Variants in SSH1 observed in about 807,000 individuals in gnomAD.
The protein encoded by SSH1 is slingshot protein phosphatase 1.
SSH1 carries 43 observed loss-of-function variants against 79.7 expected under a neutral mutation model. That is an observed-to-expected ratio of 0.54 (90% CI 0.42 to 0.70). SSH1 has a LOEUF of 0.70. Ranked by LOEUF, SSH1 falls within the 30% of genes least tolerant of loss-of-function variation. The probability of loss-of-function intolerance (pLI) is 0.00; values close to 1 mark genes in which losing one functional copy is unlikely to be tolerated. For missense variants in SSH1, 1,206 were observed against 1,358.8 expected (o/e 0.89, Z 1.77); for synonymous variants, 599 against 538.3 (o/e 1.11, Z -1.56).
rs1005688947 is a variant in SSH1, at chr12:108,817,106, C to T, written c.333G>A (p.Val111=). 7 of 1,614,120 alleles carry T rather than the reference C, an allele frequency of 4.3e-6. No homozygotes were observed. The highest frequency in any genetic ancestry group is 8.5e-7 in the Non-Finnish European group (1 of 1,180,042). The change falls in exon 5 of 15, where the codon GTG becomes GTA. Residue 111 remains valine, a synonymous_variant. Coordinates refer to ENST00000326495, the MANE Select transcript of SSH1 (RefSeq NM_018984.4). ...CGGTGTCCTGGCGCCCGCTGCTGTACACCACCACCATGTACCGGACCCGGT... is the reference window on the plus strand; with the variant it reads ...CGGTGTCCTGGCGCCCGCTGCTGTATACCACCACCATGTACCGGACCCGGT... The part of the protein sequence containing the change: ...WADRVRYMVV[V]YSSGRQDTEE...
At chr12:108,801,043 G>A in intron 11 of SSH1, 117 bp from the exon 12 acceptor site, 3 of 1,045,766 alleles carry the variant, frequency 2.9e-6, no homozygotes, top group Non-Finnish European at 4.3e-6. Context: ...AGGGTCATAT[G>A]TTCGTGGCGG....
chr12:108,796,028 G>A (rs374476320), intron 13 of SSH1, among the ~76,000 whole-genome samples: 13 of 151,896 alleles, frequency 8.6e-5, no homozygotes, highest in African/African-American at 1.9e-4. Context: ...CCATTCTCCC[G>A]CCTCAGCCTT....
At chr12:108,790,125 C>G (rs1295273252) in intron 14 of SSH1, among the ~76,000 whole-genome samples, 1 of 151,788 alleles carries the variant, frequency 6.6e-6, no homozygotes, top group Non-Finnish European at 1.5e-5. Context: ...CATCACCCAC[C>G]TGCTTAAAGG....
At chr12:108,814,961 G>A (rs1318258922) in intron 5 of SSH1, among the ~76,000 whole-genome samples, 7 of 152,234 alleles carry the variant, frequency 4.6e-5, no homozygotes, top group Admixed American at 4.6e-4. Context: ...GTGACTGCTG[G>A]CCTGTGAGCT....
At chr12:108,821,656 A>G (rs991373242) in intron 3 of SSH1, among the ~76,000 whole-genome samples, 3 of 152,214 alleles carry the variant, frequency 2.0e-5, no homozygotes, top group Non-Finnish European at 4.4e-5. Context: ...CTAGGATCAG[A>G]AGACAGGTCT....
At chr12:108,824,474 A>G (rs867358913) in intron 2 of SSH1, among the ~76,000 whole-genome samples, 21 of 151,950 alleles carry the variant, frequency 1.4e-4, no homozygotes, top group African/African-American at 5.1e-4. Context: ...AAAAGAAAGA[A>G]AGAAAGAAAG....
chr12:108,802,510 G>A (rs960542729), intron 10 of SSH1, 142 bp from the exon 11 acceptor site: 16 of 741,658 alleles, frequency 2.2e-5, no homozygotes, highest in African/African-American at 3.4e-5. Flanking sequence ...GAGAACCAGC[G>A]GCTGATATTC....
chr12:108,807,851 C>A lies in SSH1; in HGVS notation c.537-24G>T. Reference sequence around the variant, plus strand: ...ACCTGGGGCGAGGAGAAGACAGGGTCAGGCCTGGGAAGGCACAAGAGATGC... The same window carrying A: ...ACCTGGGGCGAGGAGAAGACAGGGTAAGGCCTGGGAAGGCACAAGAGATGC... On this transcript the variant is annotated intron_variant, in intron 7 of 14. Coordinates refer to ENST00000326495, the MANE Select transcript of SSH1 (RefSeq NM_018984.4). This position sits in a 1 kb window ranked among gnomAD's most constrained non-coding sequence, Gnocchi z 5.2. 1 of 1,612,574 alleles carries A rather than the reference C, an allele frequency of 6.2e-7. No individual in the cohort carries two copies. The highest frequency in any genetic ancestry group is 1.1e-5 in the South Asian group (1 of 90,932).
Position 108,788,102 on chromosome 12 carries a change from A to G in SSH1, c.3036T>C (p.Ser1012=). The change falls in exon 15 of 15, where the codon TCT becomes TCC. Residue 1012 remains serine, a synonymous_variant. Coordinates refer to ENST00000326495, the MANE Select transcript of SSH1 (RefSeq NM_018984.4). The stretch of plus-strand genomic sequence containing the variant: ...TTCCCTGGGGCTCATGCAAGAAGGA[A>G]GATTCACTCAAAGTGGTGTCCTGGG... ...ADSQDTTLSE[S]SFLHEPQGTP... is the part of the protein sequence containing the mutation. 6.2e-7 allele frequency: 1 copy of G among 1,614,020 alleles called. No homozygotes were observed. Among genetic ancestry groups the G allele is most frequent in the South Asian group, 1.1e-5 (1 of 91,058 alleles).
Position 108,785,854 on chromosome 12 carries a change from C to T in SSH1, c.*2134G>A, listed in dbSNP as rs184064723. 154 of 152,154 alleles carry T rather than the reference C, an allele frequency of 1.0e-3. 2 individuals are homozygous for T. Among genetic ancestry groups the T allele is most frequent in the African/African-American group, 3.6e-3 (150 of 41,496 alleles). The allele number at this position is 152,154 out of a possible 1,614,324, so 9.4% of individuals were successfully genotyped here. ...TGAAATTTGATTTGGCAAAACATAC[C>T]GAACTTGATATTTTTTGAGGCTATG... On this transcript the variant is annotated 3_prime_UTR_variant, in exon 15 of 15. Transcript: ENST00000326495.
intron 3 of SSH1, among the ~76,000 whole-genome samples, chr12:108,820,329 A>T (rs926994849): frequency 1.3e-5 from 2 of 152,182 alleles, no homozygotes; most frequent in Non-Finnish European, 2.9e-5. Context: ...ATAAGGGTTC[A>T]CATTAAAGAA....
intron 1 of SSH1, among the ~76,000 whole-genome samples, chr12:108,855,820 T>A (rs978082252): frequency 6.6e-5 from 10 of 152,130 alleles, no homozygotes; most frequent in African/African-American, 2.4e-4. Context: ...GGGGGATTAC[T>A]AGAACCTTCT....
chr12:108,806,057 C>T (rs1327557998), intron 9 of SSH1, among the ~76,000 whole-genome samples: 4 of 151,918 alleles, frequency 2.6e-5, no homozygotes, highest in African/African-American at 9.7e-5. Flanking sequence ...GTGAGGCTCA[C>T]AAAGGTCAAG....
At chr12:108,835,943 A>ATTAATATAATCGATTATAAC (rs2038603767) in intron 2 of SSH1, among the ~76,000 whole-genome samples, 4 of 141,392 alleles carry the variant, frequency 2.8e-5, no homozygotes, top group Non-Finnish European at 6.4e-5. Context: ...AATTATAACT[A>ATTAATATAATCGATTATAAC]TATTAATATA....
chr12:108,817,208 C>T, intron 4 of SSH1, 49 bp from the exon 5 acceptor site: 5 of 1,608,236 alleles, frequency 3.1e-6, no homozygotes, highest in Admixed American at 1.7e-5. Flanking sequence ...GGAGGTGGTG[C>T]CTCCCTCCCA....
At position 108,852,996 on chromosome 12, in the gene SSH1, G is replaced by A. The variant is rs1435665646; in HGVS notation, c.70-318C>T. ...TTTAGCCCTCAGCCCTCAACTTTCC[G>A]AGGTTGTTCTGGACCTTATCCTGTT... On this transcript the variant is annotated intron_variant, in intron 1 of 14. Transcript: ENST00000326495. The A allele has an allele frequency of 7.1e-6, 7 of 985,254 alleles. No homozygotes were observed. In the South Asian group the frequency reaches 1.4e-4, roughly 20 times the overall value. 61.0% of individuals were successfully genotyped at this position (985,254 alleles called of 1,614,324 possible). A position where few individuals can be genotyped will look rare whatever the true frequency, so the allele number is the denominator to read the frequency against.
chr12:108,826,200 CTTTGG>C, intron 2 of SSH1: 3 of 440,934 alleles, frequency 6.8e-6, no homozygotes, highest in Admixed American at 5.4e-5. Context: ...CTTATATTTC[CTTTGG>C]AAAAAAAAAG....
intron 2 of SSH1, 151 bp downstream of exon 2, chr12:108,852,487 C>T (rs2137295623): frequency 2.2e-6 from 2 of 891,566 alleles, no homozygotes; most frequent in Non-Finnish European, 3.8e-6. Flanking sequence ...GCCTCAGCCT[C>T]CCAAAGTGCT....
Position 108,783,086 on chromosome 12 carries a change from GGGGAATGGGCAGGTGCTGGACTCTGGT to G in SSH1, c.*4875_*4901del, listed in dbSNP as rs1400216370. ...GAAAGAAGAGTATGATTGTGTGACT[GGGGAATGGGCAGGTGCTGGACTCTGGT>G]GCAGAGGCTGCCTGGCCTGCGCCAC... is the stretch of plus-strand genomic sequence containing the variant. On this transcript the variant is annotated 3_prime_UTR_variant, in exon 15 of 15. Transcript: ENST00000326495. The G allele has an allele frequency of 6.6e-6, 1 of 152,270 alleles. No homozygotes were observed. Among genetic ancestry groups the G allele is most frequent in the Non-Finnish European group, 1.5e-5 (1 of 68,060 alleles). The allele number at this position is 152,270 out of a possible 1,614,324, so 9.4% of individuals were successfully genotyped here.
Sources: gnomAD v4.1 joint callset for allele counts (sites outside exome capture counted in the v4.1 genomes callset) on GRCh38, gnomAD v4.1.1 for gene constraint, Gnocchi (gnomAD v3.1) non-coding constraint, MANE v1.5 for transcripts, NCBI Gene and HGNC (gene_info 2026-07-23, HGNC 2026-07-21) for gene names.